Variants in ABCA5 observed in about 807,000 individuals in gnomAD.
ABCA5 encodes the protein ATP binding cassette subfamily A member 5, also known as cholesterol transporter ABCA5.
A neutral mutation model predicts 206.0 loss-of-function variants in ABCA5; 163 were observed. The ratio of observed to expected loss-of-function variants is 0.79; its 90% CI spans 0.70 to 0.90. The LOEUF (loss-of-function observed/expected upper bound fraction) is 0.90, where lower values mean the gene tolerates loss of function less well. Among genes scored for constraint, ABCA5 ranks in the 40% least tolerant of loss-of-function variants. The pLI is 0.00. For synonymous variants in ABCA5, 609 were observed against 613.8 expected (o/e 0.99, Z 0.11); for missense variants, 1,859 against 1,912.9 (o/e 0.97, Z 0.53).
chr17:69,285,920 G>C lies in ABCA5; in HGVS notation c.2250C>G (p.Phe750Leu). 6.2e-7 allele frequency: 1 copy of C among 1,612,248 alleles called. No homozygotes were observed. Among genetic ancestry groups the C allele is most frequent in the Non-Finnish European group, 8.5e-7 (1 of 1,179,214 alleles). ...TACCTGAAAATTTGTCCATGTCCTTGAAAGGCAAGCTATACACAAGTTGTT... is the reference window on the plus strand; with the variant it reads ...TACCTGAAAATTTGTCCATGTCCTTCAAAGGCAAGCTATACACAAGTTGTT... ...NDQQLVYSLP[F>L]KDMDKFSGLF... is the part of the protein sequence containing the mutation. Residue 750 changes from phenylalanine (F) to leucine (L), a missense_variant, in exon 17 of 39, where the codon TTC becomes TTG. Transcript: ENST00000392676.
chr17:69,263,578 T>G (rs1031720373), intron 24 of ABCA5, among the ~76,000 whole-genome samples: 7 of 152,132 alleles, frequency 4.6e-5, no homozygotes, highest in Non-Finnish European at 8.8e-5. Flanking sequence ...TTCTGTTTCA[T>G]CGGTCTACAT....
chr17:69,264,609 C>T (rs993034099), intron 24 of ABCA5, 126 bp downstream of exon 24: 12 of 537,580 alleles, frequency 2.2e-5, no homozygotes, highest in Non-Finnish European at 3.6e-5. Context: ...ATACCAGACA[C>T]ACTTGCTCTA....
intron 1 of ABCA5, chr17:69,318,733 A>G: frequency 3.2e-6 from 2 of 626,420 alleles, no homozygotes; most frequent in Non-Finnish European, 3.0e-6. Context: ...AGTAGACACC[A>G]TGAGCAAAGC....
chr17:69,255,765 G>A lies in ABCA5; in HGVS notation c.3944C>T (p.Ala1315Val), dbSNP rs1284759585. The A allele has an allele frequency of 6.3e-7, 1 of 1,594,972 alleles. No individual in the cohort carries two copies. Among genetic ancestry groups the A allele is most frequent in the Non-Finnish European group, 8.5e-7 (1 of 1,174,240 alleles). ...FLLSRKVKKV[A>V]TKYISFCVKK... The stretch of plus-strand genomic sequence containing the variant: ...CACACAGAAAGAGATGTATTTAGTT[G>A]CCACTTTCTTTACTTTTCTTGAAAG... The change falls in exon 30 of 39, where the codon GCA becomes GTA. Residue 1315 changes from alanine (A) to valine (V), a missense_variant. By Grantham distance (64) the Ala-to-Val change is moderately conservative. Transcript: ENST00000392676.
chr17:69,248,068 A>T (rs2074971689), intron 38 of ABCA5, among the ~76,000 whole-genome samples, 194 bp downstream of exon 38: 1 of 152,120 alleles, frequency 6.6e-6, no homozygotes, highest in South Asian at 2.1e-4. Context: ...AATAATATCA[A>T]TTTAAAAAAT....
chr17:69,256,789 GGAC>G (rs1483110607), intron 28 of ABCA5, among the ~76,000 whole-genome samples: 1 of 151,792 alleles, frequency 6.6e-6, no homozygotes, highest in Non-Finnish European at 1.5e-5. Flanking sequence ...GATAACATTT[GGAC>G]GATATTATCT....
intron 1 of ABCA5, among the ~76,000 whole-genome samples, chr17:69,324,095 G>A (rs971181160): frequency 3.9e-5 from 6 of 152,106 alleles, no homozygotes; most frequent in Admixed American, 6.5e-5. Context: ...TACAAAAAAC[G>A]TTGGTCAACT....
rs1379346502 is a variant in ABCA5, at chr17:69,286,007, T to C, written c.2163A>G (p.Glu721=). The C allele has an allele frequency of 8.1e-6, 13 of 1,612,388 alleles. No homozygotes were observed. The South Asian group carries it at 1.4e-4, about 18-fold the overall frequency. The part of the protein sequence containing the change: ...SMYIDKYCAT[E]SLSSLVKQHI... ...GTTGTTTAACCAGTGAAGAAAGAGA[T>C]TCTGTGGCACAATATTTGTCTATGT... Residue 721 remains glutamate, a synonymous_variant, in exon 17 of 39, where the codon GAA becomes GAG. Coordinates refer to ENST00000392676, the MANE Select transcript of ABCA5 (RefSeq NM_172232.4).
chr17:69,325,980 C>T (rs2075894432), intron 1 of ABCA5, among the ~76,000 whole-genome samples: 1 of 152,136 alleles, frequency 6.6e-6, no homozygotes, highest in South Asian at 2.1e-4. Flanking sequence ...AACACAAATA[C>T]CCACAAAGCC....
Position 69,250,472 on chromosome 17 carries a change from C to G in ABCA5, c.4685G>C (p.Ser1562Thr). ...ATAACCACATTCTTTAAAATTTTAC[C>G]TTTCCTGACGGCTTGCATTTGGGAA... is the stretch of plus-strand genomic sequence containing the variant. ...YIFPNASRQE[S>T]FSSILAYKIP... The change falls in exon 36 of 39, where the codon AGT (serine) becomes ACT (threonine). Residue 1562 changes from serine (S) to threonine (T), a missense_variant and splice_region_variant. Physicochemically the swap from Ser to Thr is moderately conservative, Grantham distance 58. Transcript: ENST00000392676. The G allele has an allele frequency of 1.2e-6, 2 of 1,602,578 alleles. No homozygotes were observed. Among genetic ancestry groups the G allele is most frequent in the Non-Finnish European group, 1.7e-6 (2 of 1,176,352 alleles).
chr17:69,263,697 C>T (rs1203249204), intron 24 of ABCA5, among the ~76,000 whole-genome samples: 9 of 103,672 alleles, frequency 8.7e-5, no homozygotes, highest in South Asian at 3.3e-4. Context: ...ACATGGATTC[C>T]TTTTTTTTTT....
intron 3 of ABCA5, 151 bp from the exon 4 acceptor site, chr17:69,309,574 G>T: frequency 1.7e-6 from 1 of 592,930 alleles, no homozygotes. Flanking sequence ...CAAGCACAGT[G>T]GCTCACACCT....
chr17:69,295,914 G>C (rs1053475340), intron 10 of ABCA5, among the ~76,000 whole-genome samples: 5 of 152,094 alleles, frequency 3.3e-5, no homozygotes, highest in Non-Finnish European at 5.9e-5. Flanking sequence ...GTTCAAACTT[G>C]TATTTTTCAG....
At chr17:69,290,129 CAGACATAT>C in intron 12 of ABCA5, 92 bp from the exon 13 acceptor site, 1 of 870,298 alleles carries the variant, frequency 1.1e-6, no homozygotes, top group South Asian at 2.4e-5. Flanking sequence ...TTGGTTATAA[CAGACATAT>C]AAGGTAAAAA....
intron 15 of ABCA5, 87 bp from the exon 16 acceptor site, chr17:69,286,398 G>A: frequency 8.9e-7 from 1 of 1,126,672 alleles, no homozygotes; most frequent in East Asian, 2.5e-5. Context: ...TCATATGAGA[G>A]TCATCCACAT....
chr17:69,270,583 G>A, intron 22 of ABCA5, 30 bp downstream of exon 22: 2 of 1,542,260 alleles, frequency 1.3e-6, no homozygotes, highest in African/African-American at 1.4e-5. Flanking sequence ...ACATGCATAT[G>A]GAAATTTATC....
rs1469457179 is a variant in ABCA5 at position 69,289,300 on chromosome 17, T to A, written c.1783-4A>T. 3 of 1,552,718 alleles carry A rather than the reference T, an allele frequency of 1.9e-6. No individual in the cohort carries two copies. Among genetic ancestry groups the A allele is most frequent in the East Asian group, 2.4e-5 (1 of 42,058 alleles). On this transcript the variant is annotated splice_polypyrimidine_tract_variant and splice_region_variant and intron_variant, in intron 13 of 38. Transcript: ENST00000392676. Reference sequence around the variant, plus strand: ...AATCTAGTAAAACCTTCTGCACCTGTAAAAGTAAAGCATGAACAATGTTAT... The same window carrying A: ...AATCTAGTAAAACCTTCTGCACCTGAAAAAGTAAAGCATGAACAATGTTAT...
intron 3 of ABCA5, among the ~76,000 whole-genome samples, chr17:69,310,184 G>A (rs539894396): frequency 1.3e-5 from 2 of 152,008 alleles, no homozygotes; most frequent in Admixed American, 1.3e-4. Context: ...GCTTTGTTCT[G>A]TTACCCAGCC....
intron 37 of ABCA5, 190 bp downstream of exon 37, chr17:69,249,715 C>T: frequency 1.6e-6 from 1 of 634,566 alleles, no homozygotes; most frequent in Non-Finnish European, 2.6e-6. Flanking sequence ...ATCTTCTTAT[C>T]TGCCATAGTT....
Sources: allele counts gnomAD v4.1 joint callset (sites outside exome capture counted in the v4.1 genomes callset), GRCh38; gene constraint gnomAD v4.1.1; transcripts MANE v1.5; gene names NCBI Gene and HGNC (gene_info 2026-07-23, HGNC 2026-07-21).